TTN: variants seen among roughly 807,000 people sequenced by gnomAD.
TTN encodes the protein titin.
TTN carries 1,525 observed loss-of-function variants against 3,223.0 expected under a neutral mutation model. The ratio of observed to expected loss-of-function variants is 0.47; its 90% CI spans 0.45 to 0.49. TTN has a LOEUF of 0.49. TTN is among the 20% of genes least tolerant of loss of function. The pLI is 0.00. For missense variants in TTN, 40,786 were observed against 43,424.0 expected, an observed-to-expected ratio of 0.94 and a Z score of 5.40; for synonymous variants, 14,094 against 15,161.0, an observed-to-expected ratio of 0.93 and a Z score of 5.17.
rs886043853 is a variant in TTN at position 178,723,690 on chromosome 2, G to A, written c.21410C>T (p.Pro7137Leu). Residue 7137 changes from proline to leucine, a missense_variant, in exon 74 of 363, where the codon CCC (proline) becomes CTC (leucine). Coordinates refer to ENST00000589042, the MANE Select transcript of TTN (RefSeq NM_001267550.2). ...AGGTTCAGGTTCTTTCACAAAAGAG[G>A]GTGGTTCTATATAGACATGGAGAAC... is the stretch of plus-strand genomic sequence containing the variant. ...CRAVLTVQEPPSFVKEPEPLE... is the reference protein window; with the variant it reads ...CRAVLTVQEPLSFVKEPEPLE... 3.2e-6 allele frequency: 5 copies of A among 1,580,012 alleles called. No individual in the cohort carries two copies. Among genetic ancestry groups the A allele is most frequent in the South Asian group, 2.4e-5 (2 of 83,962 alleles).
chr2:178,685,732 T>C, intron 127 of TTN, 134 bp from the exon 128 acceptor site: 1 of 770,482 alleles, frequency 1.3e-6, no homozygotes, highest in Non-Finnish European at 2.1e-6. Flanking sequence ...TTGTTCCTAT[T>C]TAAAATACTC....
chr2:178,779,317 C>A lies in TTN; in HGVS notation c.3875G>T (p.Gly1292Val). ...ATAATTCTTGATTCTTGAATCAAATCCTGATTCAACAGCTTCAGATTCAGA... is the reference window on the plus strand; with the variant it reads ...ATAATTCTTGATTCTTGAATCAAATACTGATTCAACAGCTTCAGATTCAGA... ...DISESEAVESGFDSRIKNYRI... is the reference protein window; with the variant it reads ...DISESEAVESVFDSRIKNYRI... The change falls in exon 23 of 363, where the codon GGA (glycine) becomes GTA (valine). Residue 1292 changes from glycine to valine, a missense_variant. Transcript: ENST00000589042. 1 of 1,613,426 alleles carries A rather than the reference C, an allele frequency of 6.2e-7. No individual in the cohort carries two copies.
In TTN at chr2:178,538,848, T is replaced by A. The variant is rs768319980; in HGVS notation, c.98990-9A>T. 1 of 1,592,498 alleles carries A rather than the reference T, an allele frequency of 6.3e-7. No individual in the cohort carries two copies. Among genetic ancestry groups the A allele is most frequent in the Non-Finnish European group, 8.6e-7 (1 of 1,169,536 alleles). ...TGGTTGGCTTGGTTTATCTGAAATATTTTAAAATAATGAAAAGGGAGTCAG... is the reference window on the plus strand; with the variant it reads ...TGGTTGGCTTGGTTTATCTGAAATAATTTAAAATAATGAAAAGGGAGTCAG... On this transcript the variant is annotated splice_polypyrimidine_tract_variant and intron_variant, in intron 353 of 362. Transcript: ENST00000589042.
At position 178,553,112 on chromosome 2, in the gene TTN, CT is replaced by C; in HGVS notation, c.89787del (p.Val29930CysfsTer36). 6.2e-7 allele frequency: 1 copy of C among 1,611,922 alleles called. No homozygotes were observed. Among genetic ancestry groups the C allele is most frequent in the Non-Finnish European group, 8.5e-7 (1 of 1,178,388 alleles). On this transcript the variant is annotated frameshift_variant, in exon 335 of 363. Coordinates refer to ENST00000589042, the MANE Select transcript of TTN (RefSeq NM_001267550.2). LOFTEE classifies it high-confidence loss of function. ...TGGCAGGCAGCTGGTGTGTCAAGCA[CT>C]TTAACACTCACAGTTGAAGACTTAG... ...GEPKSSTVSV[K>X]VLDTPAACQK...
At chr2:178,748,611 G>T in intron 47 of TTN, 2 of 1,613,022 alleles carry the variant, frequency 1.2e-6, no homozygotes, top group South Asian at 1.1e-5. Context: ...TCTTCTGGTT[G>T]ACCACTATCT....
Position 178,542,908 on chromosome 2 carries a change from T to C in TTN, c.96946A>G (p.Ile32316Val). The change falls in exon 348 of 363, where the codon ATC (isoleucine) becomes GTC (valine). Residue 32316 changes from isoleucine to valine, a missense_variant. Transcript: ENST00000589042. ...ACTGGTCTGCCAGCTGGGACATGGA[T>C]GGTCTTCTGAGGCATTGTAGAAAGA... ...IDLSTMPQKT[I>V]HVPAGRPVEL... 1 of 1,613,028 alleles carries C rather than the reference T, an allele frequency of 6.2e-7. No homozygotes were observed. Among genetic ancestry groups the C allele is most frequent in the Non-Finnish European group, 8.5e-7 (1 of 1,179,076 alleles).
intron 240 of TTN, among the ~76,000 whole-genome samples, 187 bp downstream of exon 240, chr2:178,629,114 G>T (rs749968726): frequency 7.9e-5 from 12 of 151,900 alleles, no homozygotes; most frequent in Non-Finnish European, 1.5e-4. Context: ...AAATCATCAG[G>T]TTAAACCTAA....
rs767450912 is a variant in TTN, at chr2:178,569,415, G to A, written c.76717C>T (p.Arg25573Ter). The A allele has an allele frequency of 1.9e-6, 3 of 1,613,236 alleles. No homozygotes were observed. Among genetic ancestry groups the A allele is most frequent in the Non-Finnish European group, 1.7e-6 (2 of 1,179,558 alleles). Residue 25573 changes from arginine (R) to a stop codon, truncating the protein, a stop_gained, in exon 326 of 363, where the codon CGA (arginine) becomes TGA (stop). Coordinates refer to ENST00000589042, the MANE Select transcript of TTN (RefSeq NM_001267550.2). LOFTEE classifies it high-confidence loss of function. ...AGCGTATATTTTCCACTATCATATC[G>A]GTTGACATTGTCAAGAACAAGAGAG... ...FTSLVLDNVNRYDSGKYTLTL... is the reference protein window; with the variant it reads ...FTSLVLDNVN
Position 178,575,371 on chromosome 2 carries a change from C to G in TTN, c.70761G>C (p.Gly23587=), listed in dbSNP as rs190149868. ...DQWTHITTVK[G]LECVVRNLTE... Reference sequence around the variant, plus strand: ...TTAGATTCCTCACAACACATTCTAACCCTTTCACGGTTGTGATGTGGGTCC... The same window carrying G: ...TTAGATTCCTCACAACACATTCTAAGCCTTTCACGGTTGTGATGTGGGTCC... The change falls in exon 326 of 363, where the codon GGG becomes GGC. Residue 23587 remains glycine, a synonymous_variant. Coordinates refer to ENST00000589042, the MANE Select transcript of TTN (RefSeq NM_001267550.2). This position sits in a 1 kb window ranked among gnomAD's most constrained non-coding sequence, Gnocchi z 4.0. 6 of 1,613,616 alleles carry G rather than the reference C, an allele frequency of 3.7e-6. No homozygotes were observed. Among genetic ancestry groups the G allele is most frequent in the Non-Finnish European group, 5.1e-6 (6 of 1,179,672 alleles).
intron 205 of TTN, 33 bp from the exon 206 acceptor site, chr2:178,651,782 C>A (rs761412232): frequency 1.2e-6 from 2 of 1,609,188 alleles, no homozygotes; most frequent in South Asian, 1.1e-5. Flanking sequence ...TTAGAAAGAA[C>A]GAAGATTGAG....
In TTN at chr2:178,562,600, A is replaced by C; in HGVS notation, c.83532T>G (p.Asn27844Lys). 1.2e-6 allele frequency: 2 copies of C among 1,610,718 alleles called. No individual in the cohort carries two copies. Among genetic ancestry groups the C allele is most frequent in the Non-Finnish European group, 1.7e-6 (2 of 1,178,812 alleles). Residue 27844 changes from asparagine to lysine, a missense_variant, in exon 326 of 363, where the codon AAT (asparagine) becomes AAG (lysine). Asn to Lys is a moderately conservative substitution (Grantham distance 94). Transcript: ENST00000589042. ...CSYYFRVLAS[N>K]EYGIGLPAET... Reference sequence around the variant, plus strand: ...CAGCTGGCAAACCAATCCCATATTCATTGGAAGCCAAGACTCGGAAGTAGT... The same window carrying C: ...CAGCTGGCAAACCAATCCCATATTCCTTGGAAGCCAAGACTCGGAAGTAGT...
intron 357 of TTN, 46 bp from the exon 358 acceptor site, chr2:178,535,895 A>T: frequency 6.6e-7 from 1 of 1,510,798 alleles, no homozygotes; most frequent in South Asian, 1.4e-5. Flanking sequence ...AGCAACATCT[A>T]ACAGTATGTG....
chr2:178,532,040 G>T lies in TTN; in HGVS notation c.104575C>A (p.Arg34859=). 6.2e-7 allele frequency: 1 copy of T among 1,613,890 alleles called. No individual in the cohort carries two copies. Among genetic ancestry groups the T allele is most frequent in the Non-Finnish European group, 8.5e-7 (1 of 1,179,858 alleles). The change falls in exon 358 of 363, where the codon CGG becomes AGG. Residue 34859 remains arginine, a synonymous_variant. Coordinates refer to ENST00000589042, the MANE Select transcript of TTN (RefSeq NM_001267550.2). ...ELMRPVSELI[R]SRPQPAEEYE... ...TCCTCAGCCGGTTGTGGACGTGACC[G>T]GATCAGCTCAGACACTGGCCTCATT...
chr2:178,774,452 T>C lies in TTN; in HGVS notation c.6812A>G (p.Lys2271Arg). 1 of 1,613,056 alleles carries C rather than the reference T, an allele frequency of 6.2e-7. No individual in the cohort carries two copies. The highest frequency in any genetic ancestry group is 8.5e-7 in the Non-Finnish European group (1 of 1,179,920). The change falls in exon 30 of 363, where the codon AAA becomes AGA. Residue 2271 changes from lysine to arginine, a missense_variant. Physicochemically the swap from Lys to Arg is conservative, Grantham distance 26. Coordinates refer to ENST00000589042, the MANE Select transcript of TTN (RefSeq NM_001267550.2). ...TGGAACTTCTATGTCCTGAAGTTCT[T>C]TCACAAACTCAACAACTGCACCTGA... is the stretch of plus-strand genomic sequence containing the variant. ...IVEGAVVEFVKELQDIEVPES... is the reference protein window; with the variant it reads ...IVEGAVVEFVRELQDIEVPES...
chr2:178,645,697 C>T (rs547957066), intron 217 of TTN: 96 of 349,280 alleles, frequency 2.7e-4, no homozygotes, highest in South Asian at 1.5e-3. Context: ...TCCCGGATGA[C>T]GCTATCAATG....
intron 169 of TTN, 50 bp downstream of exon 169, chr2:178,663,965 C>G (rs1577103756): frequency 2.5e-6 from 4 of 1,612,350 alleles, no homozygotes; most frequent in South Asian, 1.1e-5. Flanking sequence ...AAAATATTGT[C>G]AAGAGCAGAA....
intron 359 of TTN, 54 bp downstream of exon 359, chr2:178,529,906 T>C (rs1454297750): frequency 6.5e-7 from 1 of 1,538,020 alleles, no homozygotes; most frequent in African/African-American, 1.4e-5. Context: ...TTTGAAAATA[T>C]TTCCCTAATA....
chr2:178,615,795 C>T lies in TTN; in HGVS notation c.48313-7G>A. 2 of 1,603,574 alleles carry T rather than the reference C, an allele frequency of 1.2e-6. No homozygotes were observed. Among genetic ancestry groups the T allele is most frequent in the Non-Finnish European group, 1.7e-6 (2 of 1,176,128 alleles). On this transcript the variant is annotated splice_region_variant and splice_polypyrimidine_tract_variant and intron_variant, in intron 257 of 362. Coordinates refer to ENST00000589042, the MANE Select transcript of TTN (RefSeq NM_001267550.2). ...CAGTCACAAAGTCCATAACCTGGGA[C>T]AAAGAAATACAGTTAATCAGTTATT...
At chr2:178,791,955 CA>C (rs2093528082) in intron 10 of TTN, 116 bp downstream of exon 10, 5 of 1,167,790 alleles carry the variant, frequency 4.3e-6, no homozygotes, top group Admixed American at 2.5e-5. Context: ...GGAACAATAA[CA>C]AAAAATATAC....
Sources: allele counts gnomAD v4.1 joint callset (sites outside exome capture counted in the v4.1 genomes callset), GRCh38; gene constraint gnomAD v4.1.1; non-coding constraint Gnocchi (gnomAD v3.1); transcripts MANE v1.5; gene names NCBI Gene and HGNC (gene_info 2026-07-23, HGNC 2026-07-21).